The following ASPSCR1 variants were observed in gnomAD, a reference collection of about 807,000 sequenced individuals.
ASPSCR1 encodes tether containing UBX domain for GLUT4.
A neutral mutation model predicts 68.9 loss-of-function variants in ASPSCR1; 55 were observed. That is an observed-to-expected ratio of 0.80 (90% CI 0.64 to 1.00). The LOEUF (loss-of-function observed/expected upper bound fraction) is 1.00, where lower values mean the gene tolerates loss of function less well. Ranked by LOEUF, ASPSCR1 falls within the 50% of genes least tolerant of loss-of-function variation. ASPSCR1 has a pLI of 0.00. For synonymous variants in ASPSCR1, 352 were observed against 332.6 expected, an observed-to-expected ratio of 1.06 and a Z score of -0.63; for missense variants, 765 against 762.2, an observed-to-expected ratio of 1.00 and a Z score of -0.04.
At chr17:81,993,750 C>T (rs1306043849) in intron 4 of ASPSCR1, among the ~76,000 whole-genome samples, 1 of 152,262 alleles carries the variant, frequency 6.6e-6, no homozygotes, top group Non-Finnish European at 1.5e-5. Flanking sequence ...AAGCAGTTTC[C>T]AGCCCAGCTG....
At chr17:81,998,759 C>G (rs2042436207) in intron 7 of ASPSCR1, among the ~76,000 whole-genome samples, 1 of 152,258 alleles carries the variant, frequency 6.6e-6, no homozygotes, top group Non-Finnish European at 1.5e-5. Flanking sequence ...ACCTGGCTCA[C>G]AAGGGAGCTG....
Position 81,996,523 on chromosome 17 carries a change from T to C in ASPSCR1, c.610T>C (p.Ser204Pro). Residue 204 changes from serine (S) to proline (P), a missense_variant, in exon 7 of 16, where the codon TCT becomes CCT. By Grantham distance (74) the Ser-to-Pro change is moderately conservative. Coordinates refer to ENST00000306739, the MANE Select transcript of ASPSCR1 (RefSeq NM_024083.4). ...AAASAPLPLESGELSRGDLSR... is the reference protein window; with the variant it reads ...AAASAPLPLEPGELSRGDLSR... ...CGCCAGCGCTCCACTTCCCTTGGAA[T>C]CTGGGGAGCTCAGCCGCGGCGACTT... 4 of 1,612,820 alleles carry C rather than the reference T, an allele frequency of 2.5e-6. No individual in the cohort carries two copies. The highest frequency in any genetic ancestry group is 3.4e-6 in the Non-Finnish European group (4 of 1,179,720).
At chr17:81,985,280 C>A (rs1049548036) in intron 3 of ASPSCR1, among the ~76,000 whole-genome samples, 1 of 152,122 alleles carries the variant, frequency 6.6e-6, no homozygotes, top group Non-Finnish European at 1.5e-5. Flanking sequence ...CTGCACATAC[C>A]TGCACACTCA....
At chr17:82,012,414 CG>C in intron 12 of ASPSCR1, 131 bp downstream of exon 12, 1 of 1,112,748 alleles carries the variant, frequency 9.0e-7, no homozygotes, top group Non-Finnish European at 1.3e-6. Context: ...CTTTGAGAGC[CG>C]GTGGGTTCCG....
chr17:81,995,500 C>T (rs949279294), intron 5 of ASPSCR1: 3 of 266,350 alleles, frequency 1.1e-5, no homozygotes, highest in Non-Finnish European at 1.5e-5. Flanking sequence ...TGTGCTGGGC[C>T]ATTGACTGTG....
intron 7 of ASPSCR1, among the ~76,000 whole-genome samples, chr17:82,002,322 G>A (rs764940254): frequency 4.0e-5 from 6 of 151,178 alleles, no homozygotes; most frequent in Non-Finnish European, 7.4e-5. Context: ...ACAATGGCAC[G>A]ATCTCGGCTC....
chr17:82,000,081 C>T (rs138713176), intron 7 of ASPSCR1, among the ~76,000 whole-genome samples: 79 of 152,338 alleles, frequency 5.2e-4, no homozygotes, highest in African/African-American at 1.8e-3. Flanking sequence ...TCGTGCCCCT[C>T]GACCCGTGTG....
chr17:82,010,902 G>T (rs1189129545), intron 10 of ASPSCR1, 34 bp downstream of exon 10: 1 of 1,604,178 alleles, frequency 6.2e-7, no homozygotes, highest in Non-Finnish European at 8.5e-7. Context: ...GGGGATGGGG[G>T]GCAGGGGCCC....
intron 7 of ASPSCR1, among the ~76,000 whole-genome samples, chr17:82,002,937 C>T (rs1048844400): frequency 6.8e-6 from 1 of 147,400 alleles, no homozygotes; most frequent in African/African-American, 2.5e-5. Context: ...TGTGGTGGTG[C>T]GATCTCTGCT....
intron 7 of ASPSCR1, chr17:82,005,616 G>A (rs1334194165): frequency 6.6e-6 from 1 of 152,212 alleles, no homozygotes; most frequent in East Asian, 1.9e-4. Context: ...CTGAGGTTTG[G>A]GCCTCATTCC....
Position 81,977,864 on chromosome 17 carries a change from C to A in ASPSCR1, c.102+116C>A. The A allele has an allele frequency of 1.3e-6, 1 of 752,118 alleles. No homozygotes were observed. Among genetic ancestry groups the A allele is most frequent in the Non-Finnish European group, 1.8e-6 (1 of 564,916 alleles). The allele number at this position is 752,118 out of a possible 1,614,324, so 46.6% of individuals were successfully genotyped here. ...GGGCGGGGCCTCGGCGGCCAATGAG[C>A]GGCCTCCTGAGCGGCGGCCCCGCCC... On this transcript the variant is annotated intron_variant, in intron 1 of 15. Coordinates refer to ENST00000306739, the MANE Select transcript of ASPSCR1 (RefSeq NM_024083.4). This position sits in a 1 kb window ranked among gnomAD's most constrained non-coding sequence, Gnocchi z 5.0.
At position 82,017,376 on chromosome 17, in the gene ASPSCR1, C is replaced by T; in HGVS notation, c.*54C>T. ...CCAGCCACAGGACCACCTCCTCTGCCAGCAGGAATAAAGACTTGTGCATCC... is the reference window on the plus strand; with the variant it reads ...CCAGCCACAGGACCACCTCCTCTGCTAGCAGGAATAAAGACTTGTGCATCC... On this transcript the variant is annotated 3_prime_UTR_variant, in exon 16 of 16. Coordinates refer to ENST00000306739, the MANE Select transcript of ASPSCR1 (RefSeq NM_024083.4). The T allele has an allele frequency of 1.9e-6, 3 of 1,611,312 alleles. No homozygotes were observed. Among genetic ancestry groups the T allele is most frequent in the Non-Finnish European group, 2.5e-6 (3 of 1,179,262 alleles).
In ASPSCR1 at chr17:81,985,571, C is replaced by A. The variant is rs773688749; in HGVS notation, c.338C>A (p.Thr113Asn). 1 of 1,614,042 alleles carries A rather than the reference C, an allele frequency of 6.2e-7. No homozygotes were observed. Among genetic ancestry groups the A allele is most frequent in the Non-Finnish European group, 8.5e-7 (1 of 1,180,026 alleles). ...RLQDSFCSGQTLWELLSHFPQ... is the reference protein window; with the variant it reads ...RLQDSFCSGQNLWELLSHFPQ... ...CAGGACTCTTTCTGTTCAGGCCAGACCCTCTGGGAGCTTCTCAGCCATTTT... is the reference window on the plus strand; with the variant it reads ...CAGGACTCTTTCTGTTCAGGCCAGAACCTCTGGGAGCTTCTCAGCCATTTT... Residue 113 changes from threonine (T) to asparagine (N), a missense_variant, in exon 4 of 16, where the codon ACC becomes AAC. Coordinates refer to ENST00000306739, the MANE Select transcript of ASPSCR1 (RefSeq NM_024083.4).
At chr17:81,985,236 A>G (rs2041957057) in intron 3 of ASPSCR1, among the ~76,000 whole-genome samples, 1 of 150,430 alleles carries the variant, frequency 6.6e-6, no homozygotes. Context: ...CCCCGCACAC[A>G]CCCACACACA....
chr17:81,985,268 A>C (rs1045361648), intron 3 of ASPSCR1, among the ~76,000 whole-genome samples: 1 of 151,726 alleles, frequency 6.6e-6, no homozygotes, highest in African/African-American at 2.4e-5. Flanking sequence ...ACGCACGCAC[A>C]CCTGCACATA....
At chr17:82,017,233 C>T in intron 15 of ASPSCR1, 76 bp from the exon 16 acceptor site, 1 of 1,599,816 alleles carries the variant, frequency 6.3e-7, no homozygotes, top group South Asian at 1.1e-5. Flanking sequence ...CCGAGTGCTT[C>T]AGCCGGGCTG....
chr17:81,985,048 C>CCA (rs1163483954), intron 3 of ASPSCR1, among the ~76,000 whole-genome samples: 1 of 134,896 alleles, frequency 7.4e-6, no homozygotes, highest in Non-Finnish European at 1.6e-5. Context: ...CACCTCCCCC[C>CCA]CACACACACC....
At chr17:82,010,226 G>A (rs906615985) in intron 9 of ASPSCR1, among the ~76,000 whole-genome samples, 9 of 149,088 alleles carry the variant, frequency 6.0e-5, no homozygotes, top group African/African-American at 2.2e-4. Flanking sequence ...CTGGCTGAAT[G>A]AAACTTTAAA....
At chr17:82,003,938 C>T (rs1418655631) in intron 7 of ASPSCR1, among the ~76,000 whole-genome samples, 1 of 152,262 alleles carries the variant, frequency 6.6e-6, no homozygotes, top group Non-Finnish European at 1.5e-5. Context: ...AAACTCCACA[C>T]TCCCTCTCAC....
Sources: allele counts gnomAD v4.1 joint callset (sites outside exome capture counted in the v4.1 genomes callset), GRCh38; gene constraint gnomAD v4.1.1; non-coding constraint Gnocchi (gnomAD v3.1); transcripts MANE v1.5; gene names NCBI Gene and HGNC (gene_info 2026-07-23, HGNC 2026-07-21).